Variants in PTPRK observed in about 807,000 individuals in gnomAD.
PTPRK encodes receptor-type tyrosine-protein phosphatase kappa.
A neutral mutation model predicts 178.0 loss-of-function variants in PTPRK; 75 were observed. The ratio of observed to expected loss-of-function variants is 0.42; its 90% CI spans 0.35 to 0.51. The LOEUF (loss-of-function observed/expected upper bound fraction) is 0.51. Ranked by LOEUF, PTPRK falls within the 20% of genes least tolerant of loss-of-function variation. The probability of loss-of-function intolerance (pLI) is 0.02; values close to 1 mark genes in which losing one functional copy is unlikely to be tolerated. For synonymous variants in PTPRK, 637 were observed against 620.6 expected (o/e 1.03, Z -0.39); for missense variants, 1,441 against 1,797.8 (o/e 0.80, Z 3.59).
chr6:128,437,925 T>TA (rs1228899225), intron 1 of PTPRK, among the ~76,000 whole-genome samples: 9 of 152,248 alleles, frequency 5.9e-5, no homozygotes, highest in African/African-American at 2.2e-4. Context: ...GCGGGAGAGA[T>TA]CAGTTTCAAG....
intron 11 of PTPRK, among the ~76,000 whole-genome samples, chr6:128,070,646 C>T (rs570957577): frequency 5.2e-4 from 79 of 151,882 alleles, no homozygotes; most frequent in African/African-American, 1.8e-3. Context: ...ACCTGGTCAC[C>T]GCACTCTATA....
chr6:128,432,977 C>T (rs1327526906), intron 1 of PTPRK, among the ~76,000 whole-genome samples: 1 of 151,842 alleles, frequency 6.6e-6, no homozygotes, highest in Non-Finnish European at 1.5e-5. Context: ...ATTCAATTCC[C>T]TTTAACTATT....
intron 14 of PTPRK, chr6:128,006,191 CT>C: frequency 1.6e-6 from 1 of 630,760 alleles, no homozygotes; most frequent in Non-Finnish European, 2.4e-6. Context: ...GTTTTTTTTG[CT>C]TTGCATTTCA....
chr6:128,177,052 C>T (rs1801181430), intron 7 of PTPRK, among the ~76,000 whole-genome samples: 1 of 151,748 alleles, frequency 6.6e-6, no homozygotes, highest in African/African-American at 2.4e-5. Flanking sequence ...AGTAAATTCT[C>T]TAGGTAAAGA....
intron 13 of PTPRK, among the ~76,000 whole-genome samples, chr6:128,053,613 C>T (rs1251329089): frequency 6.6e-6 from 1 of 152,108 alleles, no homozygotes; most frequent in East Asian, 1.9e-4. Flanking sequence ...CAACAGTTCA[C>T]CTCCACATGT....
At chr6:128,322,954 G>C (rs1829032192) in intron 2 of PTPRK, among the ~76,000 whole-genome samples, 1 of 152,052 alleles carries the variant, frequency 6.6e-6, no homozygotes, top group African/African-American at 2.4e-5. Flanking sequence ...CTGAGGATCA[G>C]GACACAGCAG....
rs1858741485 is a variant in PTPRK, at chr6:128,519,834, C to A, written c.100+425G>T. On this transcript the variant is annotated intron_variant, in intron 1 of 29. Transcript: ENST00000368226. The surrounding 1 kb of genome is among the most constrained non-coding windows in gnomAD (Gnocchi z 4.3). ...CAAAGCGCGCCGAGGTCAGTCCCTT[C>A]GAATCTCCACATTTCTGACAATGGC... 6.6e-6 allele frequency among the ~76,000 whole-genome samples: 1 copy of A among 152,172 alleles called. No homozygotes were observed.
Position 128,519,827 on chromosome 6 carries a change from G to T in PTPRK, c.100+432C>A, listed in dbSNP as rs1263792746. On this transcript the variant is annotated intron_variant, in intron 1 of 29. Coordinates refer to ENST00000368226, the MANE Select transcript of PTPRK (RefSeq NM_002844.4). The surrounding 1 kb of genome is among the most constrained non-coding windows in gnomAD (Gnocchi z 4.3). Reference sequence around the variant, plus strand: ...CACCTGGCAAAGCGCGCCGAGGTCAGTCCCTTCGAATCTCCACATTTCTGA... The same window carrying T: ...CACCTGGCAAAGCGCGCCGAGGTCATTCCCTTCGAATCTCCACATTTCTGA... Among the ~76,000 whole-genome samples the T allele has an allele frequency of 3.9e-5, 6 of 152,236 alleles. No individual in the cohort carries two copies. Among genetic ancestry groups the T allele is most frequent in the Non-Finnish European group, 5.9e-5 (4 of 68,040 alleles).
intron 8 of PTPRK, among the ~76,000 whole-genome samples, chr6:128,089,112 G>A (rs553170725): frequency 2.9e-4 from 44 of 152,098 alleles, no homozygotes; most frequent in Admixed American, 2.5e-3. Flanking sequence ...GCAGGCACCC[G>A]CCACCACACC....
intron 3 of PTPRK, among the ~76,000 whole-genome samples, chr6:128,279,214 A>T (rs80213366): frequency 1.2e-3 from 9 of 7,336 alleles, no homozygotes; most frequent in Admixed American, 6.0e-3. Context: ...GGTTAAATTA[A>T]AAAAAAAAAA....
At chr6:128,210,308 T>C (rs1807876044) in intron 6 of PTPRK, among the ~76,000 whole-genome samples, 1 of 151,824 alleles carries the variant, frequency 6.6e-6, no homozygotes, top group African/African-American at 2.4e-5. Context: ...TGCATATACT[T>C]ACTGATAGTA....
At chr6:128,210,487 G>A (rs1387590807) in intron 6 of PTPRK, among the ~76,000 whole-genome samples, 1 of 151,874 alleles carries the variant, frequency 6.6e-6, no homozygotes, top group African/African-American at 2.4e-5. Context: ...AAAGCTGAAA[G>A]GAATAAGAAT....
At chr6:127,972,172 A>G (rs1230524007) in intron 29 of PTPRK, among the ~76,000 whole-genome samples, 1 of 152,186 alleles carries the variant, frequency 6.6e-6, no homozygotes, top group African/African-American at 2.4e-5. Flanking sequence ...CATGAGCAGG[A>G]AGTGGTGAAA....
rs137895972 is a variant in PTPRK at position 128,393,168 on chromosome 6, T to C, written c.223+4398A>G. ...GTGCAGTGGCCTGATCTCGGCTCAC[T>C]GCAACCTCCGCCTCCCAGTTCAAGC... On this transcript the variant is annotated intron_variant, in intron 2 of 29. Transcript: ENST00000368226. Among the ~76,000 whole-genome samples the C allele has an allele frequency of 3.3e-5, 5 of 151,010 alleles. 1 individual carries two copies. Among genetic ancestry groups the C allele is most frequent in the African/African-American group, 1.2e-4 (5 of 41,090 alleles).
intron 3 of PTPRK, among the ~76,000 whole-genome samples, chr6:128,256,438 T>G (rs1483882978): frequency 2.0e-5 from 3 of 150,954 alleles, no homozygotes. Context: ...AGGCAAACTA[T>G]GTTCTTCATT....
intron 16 of PTPRK, among the ~76,000 whole-genome samples, chr6:127,998,346 C>G (rs1277939709): frequency 1.3e-5 from 2 of 151,998 alleles, no homozygotes; most frequent in African/African-American, 2.4e-5. Flanking sequence ...CAGAGAAGTA[C>G]CTGCTACTTG....
At position 128,172,260 on chromosome 6, in the gene PTPRK, T is replaced by C. The variant is rs928524040; in HGVS notation, c.1162+12172A>G. 2.0e-5 allele frequency among the ~76,000 whole-genome samples: 3 copies of C among 152,142 alleles called. No homozygotes were observed. The East Asian group carries it at 5.8e-4, about 30-fold the overall frequency. ...AATAGGCAATTGTACAGTCATCTTC[T>C]TCAGATGATATTTGTACTGCTGTTC... is the stretch of plus-strand genomic sequence containing the variant. On this transcript the variant is annotated intron_variant, in intron 7 of 29. Transcript: ENST00000368226.
chr6:128,053,407 C>T (rs1039416326), intron 13 of PTPRK, among the ~76,000 whole-genome samples: 4 of 152,032 alleles, frequency 2.6e-5, no homozygotes, highest in African/African-American at 4.8e-5. Context: ...CACCCTCTTG[C>T]GTGGACACCC....
intron 3 of PTPRK, among the ~76,000 whole-genome samples, chr6:128,298,906 A>G (rs1197590305): frequency 3.9e-5 from 6 of 152,284 alleles, no homozygotes; most frequent in African/African-American, 1.4e-4. Flanking sequence ...AGGGTATTCA[A>G]TTAGGAAAAG....
Sources: allele counts gnomAD v4.1 joint callset (sites outside exome capture counted in the v4.1 genomes callset), GRCh38; gene constraint gnomAD v4.1.1; non-coding constraint Gnocchi (gnomAD v3.1); transcripts MANE v1.5; gene names NCBI Gene and HGNC (gene_info 2026-07-23, HGNC 2026-07-21).